KIFC3: variants seen among roughly 807,000 people sequenced by gnomAD.
KIFC3 encodes the protein kinesin family member C3.
Under a neutral mutation model 101.8 loss-of-function variants are expected in KIFC3, and 60 were observed. That is an observed-to-expected ratio of 0.59 (90% CI 0.48 to 0.73). The LOEUF (loss-of-function observed/expected upper bound fraction) is 0.73, where lower values mean the gene tolerates loss of function less well. Ranked by LOEUF, KIFC3 falls within the 30% of genes least tolerant of loss-of-function variation. KIFC3 has a pLI of 0.00. For synonymous variants in KIFC3, 476 were observed against 482.7 expected (o/e 0.99, Z 0.18); for missense variants, 966 against 1,137.1 (o/e 0.85, Z 2.16).
At chr16:57,848,349 A>G (rs768965195) in intron 1 of KIFC3, among the ~76,000 whole-genome samples, 1 of 152,216 alleles carries the variant, frequency 6.6e-6, no homozygotes, top group East Asian at 1.9e-4. Context: ...AGATGCCAGC[A>G]TGGAGGCCCC....
intron 1 of KIFC3, among the ~76,000 whole-genome samples, chr16:57,824,113 C>T (rs1555630390): frequency 6.6e-6 from 1 of 152,156 alleles, no homozygotes; most frequent in East Asian, 1.9e-4. Flanking sequence ...TGGGGTTGTC[C>T]TGGTTTTGGC....
chr16:57,852,815 C>G (rs1422691197), intron 1 of KIFC3, among the ~76,000 whole-genome samples: 1 of 152,146 alleles, frequency 6.6e-6, no homozygotes, highest in African/African-American at 2.4e-5. Flanking sequence ...CGAAAAGATT[C>G]TATATTCCAC....
intron 18 of KIFC3, 100 bp downstream of exon 18, chr16:57,759,628 T>C: frequency 1.1e-6 from 1 of 922,732 alleles, no homozygotes; most frequent in Non-Finnish European, 1.6e-6. Flanking sequence ...GTAAGAACTT[T>C]TTAAAAAGGA....
At chr16:57,777,589 C>A (rs1256955791) in intron 3 of KIFC3, among the ~76,000 whole-genome samples, 1 of 152,140 alleles carries the variant, frequency 6.6e-6, no homozygotes, top group Non-Finnish European at 1.5e-5. Flanking sequence ...GGCCTCATGG[C>A]AGGCGCCTGT....
chr16:57,834,581 G>A (rs781989720), intron 1 of KIFC3, among the ~76,000 whole-genome samples: 9 of 152,058 alleles, frequency 5.9e-5, no homozygotes, highest in Non-Finnish European at 1.0e-4. Flanking sequence ...GTACCATTAT[G>A]GCTCACTGTA....
chr16:57,758,836 G>T lies in KIFC3; in HGVS notation c.*98C>A. The T allele has an allele frequency of 6.2e-7, 1 of 1,607,540 alleles. No individual in the cohort carries two copies. ...TCCGGGGGTCCTGGCGCTGCAGCAG[G>T]GACAGGCCAGTGAGGGCCCAGCTTC... On this transcript the variant is annotated 3_prime_UTR_variant, in exon 20 of 20. Coordinates refer to ENST00000445690, the MANE Select transcript of KIFC3 (RefSeq NM_001130100.2).
At chr16:57,776,140 G>A in intron 3 of KIFC3, 1 of 985,472 alleles carries the variant, frequency 1.0e-6, no homozygotes, top group Non-Finnish European at 1.2e-6. Flanking sequence ...CTCCCACCAA[G>A]CCCAGTCAAC....
chr16:57,822,164 A>G (rs1386715785), intron 1 of KIFC3, among the ~76,000 whole-genome samples: 1 of 152,174 alleles, frequency 6.6e-6, no homozygotes, highest in Non-Finnish European at 1.5e-5. Flanking sequence ...TGGTTAAGAA[A>G]ATGGGATCTG....
intron 1 of KIFC3, chr16:57,817,023 C>T (rs1296210089): frequency 2.5e-5 from 8 of 319,960 alleles, no homozygotes; most frequent in South Asian, 1.0e-4. Flanking sequence ...CTGGGGCTGC[C>T]GTCGCAAACT....
At chr16:57,856,974 C>T (rs58326194) in intron 1 of KIFC3, among the ~76,000 whole-genome samples, 26,840 of 152,120 alleles carry the variant, frequency 0.18, 2,708 homozygotes, top group East Asian at 0.29. Flanking sequence ...GAAGATATAA[C>T]ACCAGTAGAA....
Position 57,759,793 on chromosome 16 carries a change from T to C in KIFC3, c.2411A>G (p.His804Arg), listed in dbSNP as rs782377104. ...ACTGGTCCCAGAGCTGGGGGCTGAGTGGGCCCGTGCCGAGGGCTGTGGCGT... is the reference window on the plus strand; with the variant it reads ...ACTGGTCCCAGAGCTGGGGGCTGAGCGGGCCCGTGCCGAGGGCTGTGGCGT... ...CQTPQPSARA[H>R]SAPSSGTSSR... is the part of the protein sequence containing the mutation. Residue 804 changes from histidine (H) to arginine (R), a missense_variant, in exon 18 of 20, where the codon CAC becomes CGC. Transcript: ENST00000445690. 6.2e-7 allele frequency: 1 copy of C among 1,610,810 alleles called. No individual in the cohort carries two copies. Among genetic ancestry groups the C allele is most frequent in the South Asian group, 1.1e-5 (1 of 90,798 alleles).
At chr16:57,814,804 T>C (rs1568079858) in intron 1 of KIFC3, among the ~76,000 whole-genome samples, 1 of 152,164 alleles carries the variant, frequency 6.6e-6, no homozygotes, top group African/African-American at 2.4e-5. Flanking sequence ...TGTATTTTAG[T>C]AGAGATGGTG....
At chr16:57,770,041 C>G in intron 7 of KIFC3, 86 bp from the exon 8 acceptor site, 4 of 1,495,338 alleles carry the variant, frequency 2.7e-6, no homozygotes, top group Non-Finnish European at 3.6e-6. Context: ...CTGGTCACCT[C>G]CCATGCACAT....
chr16:57,770,570 T>C lies in KIFC3; in HGVS notation c.896A>G (p.Gln299Arg). The change falls in exon 7 of 20, where the codon CAG (glutamine) becomes CGG (arginine). Residue 299 changes from glutamine (Q) to arginine (R), a missense_variant. Physicochemically the swap from Gln to Arg is conservative, Grantham distance 43. This residue lies in a region of KIFC3 where 689 missense variants were observed against 884.6 expected (regional missense o/e 0.78). Coordinates refer to ENST00000445690, the MANE Select transcript of KIFC3 (RefSeq NM_001130100.2). ...QRQVLKEMEQ[Q>R]LQSSHQLTAR... The stretch of plus-strand genomic sequence containing the variant: ...GGTCAGCTGGTGTGAGCTCTGCAGC[T>C]GCTGTTCCATCTCCTTCAGCACCTG... The C allele has an allele frequency of 6.6e-7, 1 of 1,509,956 alleles. No individual in the cohort carries two copies. The highest frequency in any genetic ancestry group is 8.9e-7 in the Non-Finnish European group (1 of 1,128,052). 93.5% of individuals were successfully genotyped at this position (1,509,956 alleles called of 1,614,324 possible).
chr16:57,795,376 C>T (rs1204621647), intron 2 of KIFC3, among the ~76,000 whole-genome samples: 2 of 152,226 alleles, frequency 1.3e-5, no homozygotes, highest in East Asian at 3.9e-4. Context: ...AGATTCTCTT[C>T]TGGAAGGGGC....
At position 57,798,738 on chromosome 16, in the gene KIFC3, G is replaced by A. The variant is rs1284741097; in HGVS notation, c.-39-456C>T. On this transcript the variant is annotated intron_variant, in intron 1 of 19. Coordinates refer to ENST00000445690, the MANE Select transcript of KIFC3 (RefSeq NM_001130100.2). ...GCTCTGCCTAAGGCCTGTCAGCAGA[G>A]CAGTGAATGCTCTGAATATTAACAT... The A allele has an allele frequency of 4.7e-5, 9 of 191,142 alleles. No homozygotes were observed. In the Admixed American group the frequency reaches 4.8e-4, roughly 10 times the overall value. The allele number at this position is 191,142 out of a possible 1,614,324, so 11.8% of individuals were successfully genotyped here. A position where few individuals can be genotyped will look rare whatever the true frequency, so the allele number is the denominator to read the frequency against.
intron 1 of KIFC3, among the ~76,000 whole-genome samples, chr16:57,825,905 T>A (rs144188778): frequency 6.6e-6 from 1 of 152,340 alleles, no homozygotes; most frequent in African/African-American, 2.4e-5. Flanking sequence ...GGTCTCGAAC[T>A]CCTGGACTCA....
intron 3 of KIFC3, chr16:57,782,281 C>CCTCT: frequency 2.8e-6 from 1 of 355,200 alleles, no homozygotes; most frequent in Non-Finnish European, 3.9e-6. Flanking sequence ...GAAGTGACTT[C>CCTCT]CTACAGCTGC....
chr16:57,827,232 C>T (rs1555630949), intron 1 of KIFC3, among the ~76,000 whole-genome samples: 1 of 152,250 alleles, frequency 6.6e-6, no homozygotes, highest in East Asian at 1.9e-4. Context: ...CGTCAGCGAG[C>T]TCAGGGTCTC....
Sources: allele counts gnomAD v4.1 joint callset (sites outside exome capture counted in the v4.1 genomes callset), GRCh38; gene constraint gnomAD v4.1.1; regional missense constraint gnomAD v4.1.1; transcripts MANE v1.5; gene names NCBI Gene and HGNC (gene_info 2026-07-23, HGNC 2026-07-21).